Variants in TMCO4 observed in about 807,000 individuals in gnomAD.
TMCO4 encodes the protein transmembrane and coiled-coil domains 4, also known as transmembrane and coiled-coil domain-containing protein 4.
Under a neutral mutation model 64.7 loss-of-function variants are expected in TMCO4, and 58 were observed. The ratio of observed to expected loss-of-function variants is 0.90; its 90% CI spans 0.73 to 1.12. The LOEUF (loss-of-function observed/expected upper bound fraction) is 1.12. Ranked by LOEUF, TMCO4 falls within the 50% of genes most tolerant of loss-of-function variation. The pLI is 0.00. For synonymous variants in TMCO4, 325 were observed against 346.1 expected (o/e 0.94, Z 0.68); for missense variants, 780 against 825.9 (o/e 0.94, Z 0.68).
At position 19,758,340 on chromosome 1, in the gene TMCO4, C is replaced by T. The variant is rs142880605; in HGVS notation, c.383-2574G>A. On this transcript the variant is annotated intron_variant, in intron 6 of 15. Transcript: ENST00000294543. ...AGTAAACTTCCATGGAAAAAAGGAG[C>T]TCCTTCCTTCCCCCATAGGAGCAAA... 3.2e-3 allele frequency among the ~76,000 whole-genome samples: 491 copies of T among 152,270 alleles called. 6 individuals carry two copies. The highest frequency in any genetic ancestry group is 0.01 in the African/African-American group (422 of 41,548).
At chr1:19,763,068 CTTTTTCTT>C (rs2042574237) in intron 6 of TMCO4, among the ~76,000 whole-genome samples, 2 of 150,638 alleles carry the variant, frequency 1.3e-5, no homozygotes, top group Admixed American at 6.6e-5. Flanking sequence ...ATAAGAATAT[CTTTTTCTT>C]TTTTTCTTTT....
At position 19,733,697 on chromosome 1, in the gene TMCO4, C is replaced by T. The variant is rs1046594412; in HGVS notation, c.1264+3675G>A. ...GATGTGTACCTCCAGGTGACAATTA[C>T]TGGTAGACTGGAAAGACAGATGAGC... On this transcript the variant is annotated intron_variant, in intron 13 of 15. Coordinates refer to ENST00000294543, the MANE Select transcript of TMCO4 (RefSeq NM_181719.7). 2.0e-5 allele frequency among the ~76,000 whole-genome samples: 3 copies of T among 152,228 alleles called. No homozygotes were observed. The East Asian group carries it at 5.8e-4, about 29-fold the overall frequency.
intron 13 of TMCO4, among the ~76,000 whole-genome samples, chr1:19,733,829 A>G (rs570845895): frequency 2.6e-5 from 4 of 152,142 alleles, no homozygotes; most frequent in African/African-American, 9.6e-5. Context: ...AGATCGCACA[A>G]TCTCCAGCCA....
At chr1:19,772,365 T>C (rs1468360003) in intron 4 of TMCO4, among the ~76,000 whole-genome samples, 1 of 151,886 alleles carries the variant, frequency 6.6e-6, no homozygotes, top group African/African-American at 2.4e-5. Context: ...AAGAGTGCCC[T>C]CCACGTGCAC....
chr1:19,781,608 G>A (rs1160035102), intron 3 of TMCO4, among the ~76,000 whole-genome samples: 2 of 151,452 alleles, frequency 1.3e-5, no homozygotes, highest in Admixed American at 6.6e-5. Context: ...AGAATACCAA[G>A]TGCTGGTGAG....
chr1:19,683,850 C>T (rs2095124936), intron 15 of TMCO4, among the ~76,000 whole-genome samples: 1 of 144,380 alleles, frequency 6.9e-6, no homozygotes, highest in African/African-American at 2.6e-5. Flanking sequence ...GCAACCTCCA[C>T]CTCCCAGGTT....
At chr1:19,798,350 G>C (rs1358986824) in intron 1 of TMCO4, 135 bp from the exon 2 acceptor site, 2 of 152,370 alleles carry the variant, frequency 1.3e-5, no homozygotes, top group African/African-American at 4.8e-5. Flanking sequence ...GAGAGAGATG[G>C]TTTGAGCCTT....
rs11581012 is a variant in TMCO4, at chr1:19,691,558, C to T, written c.1500+2876G>A. On this transcript the variant is annotated intron_variant, in intron 15 of 15. Transcript: ENST00000294543. ...CAGTGTGAGCCACACTGTGGTGGCA[C>T]GGGTGGGTCTGAGGCCTAGCTTCAT... Among the ~76,000 whole-genome samples, 5 of 152,064 alleles carry T rather than the reference C, an allele frequency of 3.3e-5. No individual in the cohort carries two copies. The East Asian group carries it at 7.7e-4, about 23-fold the overall frequency.
chr1:19,724,493 A>G (rs2095400055), intron 13 of TMCO4, among the ~76,000 whole-genome samples: 3 of 152,224 alleles, frequency 2.0e-5, no homozygotes, highest in African/African-American at 7.2e-5. Flanking sequence ...TGGGAAAATC[A>G]ATAACTATAT....
At chr1:19,780,796 C>A in intron 3 of TMCO4, 30 bp from the exon 4 acceptor site, 1 of 1,522,390 alleles carries the variant, frequency 6.6e-7, no homozygotes, top group South Asian at 1.2e-5. Flanking sequence ...GTGAGAAATG[C>A]TTCCAGAGGT....
chr1:19,711,405 C>T (rs1177394014), intron 13 of TMCO4, among the ~76,000 whole-genome samples: 1 of 152,242 alleles, frequency 6.6e-6, no homozygotes, highest in Admixed American at 6.5e-5. Flanking sequence ...TCTTACTCAG[C>T]TTAATCATTT....
chr1:19,748,728 G>A (rs1341889053), intron 7 of TMCO4, among the ~76,000 whole-genome samples: 1 of 152,164 alleles, frequency 6.6e-6, no homozygotes, highest in African/African-American at 2.4e-5. Context: ...AGGAGGCTGA[G>A]GCAGGAGAAT....
chr1:19,779,015 G>A (rs1447930450), intron 4 of TMCO4, among the ~76,000 whole-genome samples: 1 of 152,044 alleles, frequency 6.6e-6, no homozygotes, highest in Non-Finnish European at 1.5e-5. Context: ...AACCCCCAAG[G>A]AGTTGAGTAT....
intron 10 of TMCO4, among the ~76,000 whole-genome samples, chr1:19,741,393 G>A (rs1164811357): frequency 9.2e-5 from 14 of 152,244 alleles, no homozygotes; most frequent in Non-Finnish European, 1.5e-5. Context: ...AGCGCTGTGA[G>A]TCTGCTGCAT....
chr1:19,764,185 T>TCTCCA (rs2042629314), intron 6 of TMCO4, among the ~76,000 whole-genome samples: 1 of 152,086 alleles, frequency 6.6e-6, no homozygotes, highest in African/African-American at 2.4e-5. Flanking sequence ...AGGGGTGAAG[T>TCTCCA]CTCCACTTAT....
At chr1:19,685,920 G>T (rs955083439) in intron 15 of TMCO4, among the ~76,000 whole-genome samples, 4 of 151,888 alleles carry the variant, frequency 2.6e-5, no homozygotes. Context: ...GTAGAGACAG[G>T]GTTTCACTGT....
chr1:19,773,386 C>T (rs555665486), intron 4 of TMCO4, among the ~76,000 whole-genome samples: 9 of 152,136 alleles, frequency 5.9e-5, no homozygotes, highest in African/African-American at 2.2e-4. Context: ...TCTCAGCAGC[C>T]CCTGCAGGGA....
chr1:19,767,657 C>T (rs1358475356), intron 6 of TMCO4, among the ~76,000 whole-genome samples: 1 of 152,162 alleles, frequency 6.6e-6, no homozygotes, highest in Non-Finnish European at 1.5e-5. Flanking sequence ...TCTCTTTCTA[C>T]TTGATGAAGA....
chr1:19,698,827 A>C (rs1017500933), intron 14 of TMCO4, among the ~76,000 whole-genome samples: 1 of 152,250 alleles, frequency 6.6e-6, no homozygotes, highest in African/African-American at 2.4e-5. Context: ...AGATGGGTTT[A>C]ATAAGATTTT....
Sources: allele counts gnomAD v4.1 joint callset (sites outside exome capture counted in the v4.1 genomes callset), GRCh38; gene constraint gnomAD v4.1.1; transcripts MANE v1.5; gene names NCBI Gene and HGNC (gene_info 2026-07-23, HGNC 2026-07-21).